The following SYAP1 variants were observed in gnomAD, a reference collection of about 807,000 sequenced individuals.
SYAP1 encodes the protein synapse associated protein 1.
In SYAP1, 3 loss-of-function variants were observed where a neutral mutation model predicts 29.6. The ratio of observed to expected loss-of-function variants is 0.10; its 90% CI spans 0.05 to 0.26. The LOEUF (loss-of-function observed/expected upper bound fraction) is 0.26, where lower values mean the gene tolerates loss of function less well. Among genes scored for constraint, SYAP1 ranks in the 10% least tolerant of loss-of-function variants. The pLI is 1.00. For missense variants in SYAP1, 217 were observed against 264.1 expected, an observed-to-expected ratio of 0.82 and a Z score of 1.24; for synonymous variants, 102 against 102.7, an observed-to-expected ratio of 0.99 and a Z score of 0.04.
intron 3 of SYAP1, among the ~76,000 whole-genome samples, chrX:16,738,747 G>A: frequency 8.9e-6 from 1 of 112,183 alleles, no homozygotes; most frequent in East Asian, 2.8e-4. Flanking sequence ...CAGAAGCCCA[G>A]AGAGGGGAGA....
At chrX:16,758,140 C>T (rs1161746662) in intron 8 of SYAP1, among the ~76,000 whole-genome samples, 2 of 110,561 alleles carry the variant, frequency 1.8e-5, no homozygotes, top group Non-Finnish European at 3.8e-5. Flanking sequence ...AACTCCTAGG[C>T]TCACACCATC....
rs200807247 is a variant in SYAP1 at position 16,755,568 on chromosome X, GTCCGCC to G, written c.724+479_724+484del. ...TACTTCTGTCCTCTACCCTGATTCAGTCCGCCTCCTTTTTGTTTGTTTCAACCTGAT... is the reference window on the plus strand; with the variant it reads ...TACTTCTGTCCTCTACCCTGATTCAGTCCTTTTTGTTTGTTTCAACCTGAT... On this transcript the variant is annotated intron_variant, in intron 6 of 8. Coordinates refer to ENST00000380155, the MANE Select transcript of SYAP1 (RefSeq NM_032796.4). 7.6e-3 allele frequency among the ~76,000 whole-genome samples: 833 copies of G among 110,000 alleles called. 10 individuals are homozygous for G. Among genetic ancestry groups the G allele is most frequent in the African/African-American group, 0.027 (808 of 30,192 alleles).
At chrX:16,746,733 G>C (rs760556429) in intron 5 of SYAP1, among the ~76,000 whole-genome samples, 1 of 109,967 alleles carries the variant, frequency 9.1e-6, no homozygotes, top group Non-Finnish European at 1.9e-5. Context: ...GATTACAGAC[G>C]CATGCCACCA....
rs1006540555 is a variant in SYAP1, at chrX:16,735,310, G to A, written c.259G>A (p.Val87Ile). 10 of 1,186,442 alleles carry A rather than the reference G, an allele frequency of 8.4e-6. No homozygotes were observed. Among genetic ancestry groups the A allele is most frequent in the South Asian group, 7.4e-5 (4 of 53,775 alleles). Residue 87 changes from valine to isoleucine, a missense_variant, in exon 2 of 9, where the codon GTA (valine) becomes ATA (isoleucine). Coordinates refer to ENST00000380155, the MANE Select transcript of SYAP1 (RefSeq NM_032796.4). The part of the protein sequence containing the change: ...AETAQTIKKS[V>I]EEGKIDGIID... The stretch of plus-strand genomic sequence containing the variant: ...AACAGCACAAACAATAAAGAAATCC[G>A]TAGAAGAAGGAAAAATAGATGGCAT...
At chrX:16,721,138 T>G (rs1925950138) in intron 1 of SYAP1, among the ~76,000 whole-genome samples, 1 of 83,925 alleles carries the variant, frequency 1.2e-5, no homozygotes, top group African/African-American at 4.8e-5. Context: ...TTGAAGAATC[T>G]ACTAAAAGAT....
intron 4 of SYAP1, among the ~76,000 whole-genome samples, chrX:16,742,705 C>G (rs763543149): frequency 6.6e-4 from 74 of 112,519 alleles, no homozygotes; most frequent in Non-Finnish European, 1.2e-3. Context: ...CAGCCTTGAA[C>G]TGGGCTCAAG....
chrX:16,755,047 G>T lies in SYAP1; in HGVS notation c.678G>T (p.Gly226=). The change falls in exon 6 of 9, where the codon GGG becomes GGT. Residue 226 remains glycine (G), a synonymous_variant. Coordinates refer to ENST00000380155, the MANE Select transcript of SYAP1 (RefSeq NM_032796.4). Reference sequence around the variant, plus strand: ...TGGCTGCCCAACAGCAGGCCGCAGGGAAGGAGGAGAAGAGCAATGGCAGAG... The same window carrying T: ...TGGCTGCCCAACAGCAGGCCGCAGGTAAGGAGGAGAAGAGCAATGGCAGAG... The part of the protein sequence containing the change: ...TALAAQQQAA[G]KEEKSNGREQ... The T allele has an allele frequency of 8.3e-7, 1 of 1,211,777 alleles. No individual in the cohort carries two copies. Among genetic ancestry groups the T allele is most frequent in the Non-Finnish European group, 1.1e-6 (1 of 895,494 alleles).
intron 5 of SYAP1, among the ~76,000 whole-genome samples, chrX:16,750,057 C>A (rs1200714604): frequency 9.0e-6 from 1 of 111,463 alleles, no homozygotes; most frequent in Non-Finnish European, 1.9e-5. Flanking sequence ...TCTTAGTTCC[C>A]CTAAATGTCT....
chrX:16,735,019 A>AAAAAC (rs1569248733), intron 1 of SYAP1, among the ~76,000 whole-genome samples: 1 of 86,998 alleles, frequency 1.1e-5, no homozygotes, highest in African/African-American at 4.3e-5. Flanking sequence ...AAAAAAAAAA[A>AAAAAC]AAACAAAAAA....
At chrX:16,749,138 C>T (rs553270590) in intron 5 of SYAP1, among the ~76,000 whole-genome samples, 1 of 110,988 alleles carries the variant, frequency 9.0e-6, no homozygotes, top group Admixed American at 9.7e-5. Flanking sequence ...TCACTGCAGC[C>T]TCAACCTCCC....
intron 6 of SYAP1, among the ~76,000 whole-genome samples, chrX:16,755,902 A>C (rs1323767316): frequency 8.9e-6 from 1 of 112,187 alleles, no homozygotes; most frequent in Non-Finnish European, 1.9e-5. Flanking sequence ...TAATTCACGG[A>C]ATTTTAAATG....
chrX:16,732,980 G>T (rs1007645023), intron 1 of SYAP1, among the ~76,000 whole-genome samples: 3 of 112,053 alleles, frequency 2.7e-5, no homozygotes, highest in African/African-American at 9.7e-5. Context: ...AACACAGGAT[G>T]TGCGGAGGGA....
intron 8 of SYAP1, among the ~76,000 whole-genome samples, chrX:16,758,993 C>A (rs1302153683): frequency 9.7e-6 from 1 of 103,135 alleles, no homozygotes; most frequent in African/African-American, 3.5e-5. Flanking sequence ...ACCATCCTGG[C>A]TAACATGGTG....
chrX:16,749,202 C>G (rs150721439), intron 5 of SYAP1, among the ~76,000 whole-genome samples: 2,351 of 110,942 alleles, frequency 0.021, 38 homozygotes, highest in Non-Finnish European at 0.029. Context: ...ATTACAGGCA[C>G]ATGCCACCAT....
intron 3 of SYAP1, among the ~76,000 whole-genome samples, chrX:16,737,664 A>C (rs1926359527): frequency 9.0e-6 from 1 of 111,636 alleles, no homozygotes; most frequent in African/African-American, 3.3e-5. Context: ...GAAGTGAGTT[A>C]GACATCCCGG....
At chrX:16,725,301 T>G (rs187128948) in intron 1 of SYAP1, among the ~76,000 whole-genome samples, 4 of 111,776 alleles carry the variant, frequency 3.6e-5, no homozygotes, top group African/African-American at 1.3e-4. Flanking sequence ...GTACTCCTGT[T>G]ACTTCCTGTT....
chrX:16,742,920 A>ATTTTTTTTTTTTTTTTTTTTTTTT (rs761130108), intron 4 of SYAP1, among the ~76,000 whole-genome samples: 3 of 62,992 alleles, frequency 4.8e-5, no homozygotes, highest in Non-Finnish European at 8.7e-5. Context: ...GTCCGCTTCT[A>ATTTTTTTTTTTTTTTTTTTTTTTT]TTTTTTTTTT....
chrX:16,743,018 C>G (rs1926507851), intron 4 of SYAP1, among the ~76,000 whole-genome samples: 1 of 107,819 alleles, frequency 9.3e-6, no homozygotes, highest in African/African-American at 3.4e-5. Context: ...TAATATTTCC[C>G]CAGTCTATGA....
At chrX:16,732,296 T>C (rs185261389) in intron 1 of SYAP1, among the ~76,000 whole-genome samples, 35 of 112,074 alleles carry the variant, frequency 3.1e-4, no homozygotes, top group African/African-American at 1.1e-3. Context: ...TGAAATAGTT[T>C]GGTCATGCTT....
Sources: gnomAD v4.1 joint callset for allele counts (sites outside exome capture counted in the v4.1 genomes callset) on GRCh38, gnomAD v4.1.1 for gene constraint, MANE v1.5 for transcripts, NCBI Gene and HGNC (gene_info 2026-07-23, HGNC 2026-07-21) for gene names.